BABAM2: variants seen among roughly 807,000 people sequenced by gnomAD.
BABAM2 encodes the protein BRISC and BRCA1-A complex member 2.
In BABAM2, 31 loss-of-function variants were observed where a neutral mutation model predicts 54.7. The ratio of observed to expected loss-of-function variants is 0.57; its 90% confidence interval spans 0.43 to 0.77. BABAM2 has a LOEUF of 0.77. Ranked by LOEUF, BABAM2 falls within the 30% of genes least tolerant of loss-of-function variation. The pLI is 0.00. For synonymous variants in BABAM2, 167 were observed against 162.9 expected (o/e 1.03, Z -0.19); for missense variants, 364 against 455.8 (o/e 0.80, Z 1.83).
intron 6 of BABAM2, among the ~76,000 whole-genome samples, chr2:28,065,038 A>G (rs1229334695): frequency 6.6e-6 from 1 of 151,914 alleles, no homozygotes. Context: ...ACTTGAGGGC[A>G]CACAGCTGAA....
chr2:28,214,067 G>A (rs544446773), intron 7 of BABAM2, among the ~76,000 whole-genome samples: 4 of 152,158 alleles, frequency 2.6e-5, no homozygotes, highest in East Asian at 1.9e-4. Flanking sequence ...TATGGCTGCC[G>A]TGCAATAATC....
At chr2:27,921,015 T>C (rs1558587661) in intron 2 of BABAM2, among the ~76,000 whole-genome samples, 1 of 152,244 alleles carries the variant, frequency 6.6e-6, no homozygotes, top group Non-Finnish European at 1.5e-5. Context: ...TAGTAAAATT[T>C]GCCTACTTTT....
chr2:27,933,850 C>T (rs1166479547), intron 3 of BABAM2, among the ~76,000 whole-genome samples: 5 of 148,730 alleles, frequency 3.4e-5, no homozygotes, highest in African/African-American at 1.3e-4. Flanking sequence ...GTTCTTCCTG[C>T]GTCAGCCTAA....
At chr2:28,307,052 G>A (rs1272869707) in intron 11 of BABAM2, among the ~76,000 whole-genome samples, 3 of 103,566 alleles carry the variant, frequency 2.9e-5, no homozygotes, top group African/African-American at 3.8e-5. Flanking sequence ...TGTCACCCAG[G>A]CTGGAGTGCA....
intron 7 of BABAM2, among the ~76,000 whole-genome samples, chr2:28,160,406 T>C (rs1029629703): frequency 6.6e-6 from 1 of 152,234 alleles, no homozygotes; most frequent in African/African-American, 2.4e-5. Flanking sequence ...ATTTATCTTA[T>C]CATACATTGT....
At chr2:28,106,578 C>G (rs980638883) in intron 6 of BABAM2, among the ~76,000 whole-genome samples, 4 of 152,222 alleles carry the variant, frequency 2.6e-5, no homozygotes, top group Non-Finnish European at 4.4e-5. Flanking sequence ...TCCATTTATG[C>G]ATCTGTGGCA....
intron 2 of BABAM2, chr2:27,896,780 GC>G: frequency 4.2e-6 from 1 of 235,670 alleles, no homozygotes; most frequent in Non-Finnish European, 8.6e-6. Flanking sequence ...AGCAGCTTGT[GC>G]CCAGCTGGGT....
chr2:28,320,201 G>A (rs1689912388), intron 11 of BABAM2, among the ~76,000 whole-genome samples: 1 of 152,256 alleles, frequency 6.6e-6, no homozygotes. Context: ...GGAAGAAAGA[G>A]GCAGCGAGCC....
chr2:27,947,703 TG>T (rs1669404832), intron 3 of BABAM2, among the ~76,000 whole-genome samples: 1 of 152,198 alleles, frequency 6.6e-6, no homozygotes, highest in Non-Finnish European at 1.5e-5. Context: ...CAAAGATTTT[TG>T]TACTATGTTT....
chr2:27,997,191 G>C (rs566451053), intron 4 of BABAM2, among the ~76,000 whole-genome samples: 11 of 152,018 alleles, frequency 7.2e-5, no homozygotes, highest in Non-Finnish European at 1.0e-4. Context: ...GAAAACCTAG[G>C]TGTTCACTTC....
chr2:28,314,315 T>C (rs575153465), intron 11 of BABAM2, among the ~76,000 whole-genome samples: 1 of 152,326 alleles, frequency 6.6e-6, no homozygotes, highest in African/African-American at 2.4e-5. Flanking sequence ...AAGGGACGTA[T>C]TCAAGGTCAC....
Position 28,257,328 on chromosome 2 carries a change from G to T in BABAM2, c.934+12466G>T, listed in dbSNP as rs369090000. Among the ~76,000 whole-genome samples the T allele has an allele frequency of 1.5e-4, 23 of 152,154 alleles. No individual in the cohort carries two copies. In the East Asian group the frequency reaches 2.1e-3, roughly 14 times the overall value. Reference sequence around the variant, plus strand: ...AACATTTTCTATTATGTTAAAAAGTGTCCTTGTAAGCCTTTGCAGTTGGTC... The same window carrying T: ...AACATTTTCTATTATGTTAAAAAGTTTCCTTGTAAGCCTTTGCAGTTGGTC... On this transcript the variant is annotated intron_variant, in intron 10 of 11. Transcript: ENST00000379624.
At chr2:27,957,749 A>G (rs1369774455) in intron 3 of BABAM2, among the ~76,000 whole-genome samples, 2 of 152,024 alleles carry the variant, frequency 1.3e-5, no homozygotes, top group African/African-American at 4.8e-5. Context: ...TCCAGGTATA[A>G]TTTTCCTCCT....
At chr2:28,147,816 G>A (rs11893885) in intron 7 of BABAM2, among the ~76,000 whole-genome samples, 10,729 of 152,188 alleles carry the variant, frequency 0.07, 435 homozygotes, top group East Asian at 0.15. Context: ...ATGTCTCAAC[G>A]TGGATGTTGT....
Position 27,995,869 on chromosome 2 carries a change from T to C in BABAM2, c.300+7782T>C, listed in dbSNP as rs907192603. The stretch of plus-strand genomic sequence containing the variant: ...TGCTGGGATTACAGGCGTGAGCCAC[T>C]GCACCTGGCCCCTCATGAGTTCTTA... On this transcript the variant is annotated intron_variant, in intron 4 of 11. Coordinates refer to ENST00000379624, the MANE Select transcript of BABAM2 (RefSeq NM_199191.3). The surrounding 1 kb of genome is among the most constrained non-coding windows in gnomAD (Gnocchi z 4.1). 6.6e-6 allele frequency among the ~76,000 whole-genome samples: 1 copy of C among 152,136 alleles called. No homozygotes were observed. Among genetic ancestry groups the C allele is most frequent in the East Asian group, 1.9e-4 (1 of 5,190 alleles).
intron 7 of BABAM2, among the ~76,000 whole-genome samples, chr2:28,160,453 A>G (rs920610099): frequency 4.6e-5 from 7 of 152,204 alleles, no homozygotes; most frequent in Admixed American, 1.3e-4. Context: ...CAGCCACAGC[A>G]TTAGGCTACA....
intron 7 of BABAM2, among the ~76,000 whole-genome samples, chr2:28,180,770 G>GA (rs1334463465): frequency 1.6e-4 from 24 of 151,546 alleles, no homozygotes; most frequent in South Asian, 6.2e-4. Context: ...ACAGCAAAAA[G>GA]AAAAAAAATC....
At chr2:28,054,507 A>T (rs1678243682) in intron 6 of BABAM2, among the ~76,000 whole-genome samples, 1 of 152,166 alleles carries the variant, frequency 6.6e-6, no homozygotes, top group Admixed American at 6.5e-5. Flanking sequence ...CCCCAAGGTG[A>T]TGGTATTAGG....
At chr2:28,318,098 C>T (rs370637009) in intron 11 of BABAM2, among the ~76,000 whole-genome samples, 5 of 152,242 alleles carry the variant, frequency 3.3e-5, no homozygotes, top group African/African-American at 1.2e-4. Context: ...GCGATTTTGG[C>T]CTCTGCCTTG....
Sources: gnomAD v4.1 joint callset for allele counts (sites outside exome capture counted in the v4.1 genomes callset) on GRCh38, gnomAD v4.1.1 for gene constraint, Gnocchi (gnomAD v3.1) non-coding constraint, MANE v1.5 for transcripts, NCBI Gene and HGNC (gene_info 2026-07-23, HGNC 2026-07-21) for gene names.